RIPOR3: variants seen among roughly 807,000 people sequenced by gnomAD.
The protein encoded by RIPOR3 is RIPOR family member 3, also known as family with sequence similarity 65 member C.
In RIPOR3, 95 loss-of-function variants were observed where a neutral mutation model predicts 114.3. The observed-to-expected ratio is 0.83, with a 90% CI of 0.70 to 0.99. RIPOR3 has a LOEUF of 0.99. Among genes scored for constraint, RIPOR3 ranks in the 50% least tolerant of loss-of-function variants. The pLI, the probability that RIPOR3 is intolerant of heterozygous loss-of-function variation, is 0.00. For missense variants in RIPOR3, 1,252 were observed against 1,266.9 expected (o/e 0.99, Z 0.18); for synonymous variants, 575 against 543.8 (o/e 1.06, Z -0.80).
At chr20:50,594,900 G>T (rs2083236597) in intron 16 of RIPOR3, 186 bp from the exon 17 acceptor site, 4 of 600,188 alleles carry the variant, frequency 6.7e-6, no homozygotes. Context: ...ATCTTACCAG[G>T]GCCACCACCT....
At chr20:50,664,334 C>T (rs1311322619) in intron 1 of RIPOR3, among the ~76,000 whole-genome samples, 1 of 151,962 alleles carries the variant, frequency 6.6e-6, no homozygotes, top group Non-Finnish European at 1.5e-5. Flanking sequence ...GGACAAACAG[C>T]GTGGCTGCTA....
chr20:50,686,333 G>A (rs932145570), intron 1 of RIPOR3, among the ~76,000 whole-genome samples: 12 of 152,090 alleles, frequency 7.9e-5, no homozygotes, highest in African/African-American at 2.7e-4. Flanking sequence ...TGGGATTACA[G>A]GTGTGAGCCA....
At chr20:50,621,692 GAACA>G (rs1255123603) in intron 2 of RIPOR3, among the ~76,000 whole-genome samples, 1 of 152,160 alleles carries the variant, frequency 6.6e-6, no homozygotes, top group African/African-American at 2.4e-5. Flanking sequence ...ACACAGAGAG[GAACA>G]AACAGAGTCA....
chr20:50,630,571 A>ATCTCTCTC (rs140830420), intron 2 of RIPOR3, among the ~76,000 whole-genome samples, 167 bp downstream of exon 2: 37 of 133,136 alleles, frequency 2.8e-4, no homozygotes, highest in African/African-American at 4.1e-4. Context: ...CTCAATCTCA[A>ATCTCTCTC]TCTCTCTCTC....
rs192256700 is a variant in RIPOR3, at chr20:50,601,570, G to A, written c.1659+502C>T. Among the ~76,000 whole-genome samples the A allele has an allele frequency of 3.5e-3, 533 of 152,352 alleles. 1 individual carries two copies. Among genetic ancestry groups the A allele is most frequent in the Middle Eastern group, 6.8e-3 (2 of 294 alleles). Reference sequence around the variant, plus strand: ...ATTCAAATTTGTGTAAACACGAGAGGAGAATGTAATAATTTGCCTAGGTCA... The same window carrying A: ...ATTCAAATTTGTGTAAACACGAGAGAAGAATGTAATAATTTGCCTAGGTCA... On this transcript the variant is annotated intron_variant, in intron 13 of 21. Transcript: ENST00000327979.
intron 1 of RIPOR3, among the ~76,000 whole-genome samples, chr20:50,674,037 G>A (rs932898979): frequency 6.6e-6 from 1 of 152,140 alleles, no homozygotes; most frequent in Non-Finnish European, 1.5e-5. Context: ...GGACACGAGC[G>A]TTCCAAGGCA....
chr20:50,623,701 C>T (rs1600607372), intron 2 of RIPOR3, among the ~76,000 whole-genome samples: 1 of 44,664 alleles, frequency 2.2e-5, no homozygotes, highest in African/African-American at 8.9e-4. Context: ...ACAGCTGACA[C>T]CACAAGCCCA....
Position 50,597,664 on chromosome 20 carries a change from T to G in RIPOR3, c.1706A>C (p.Glu569Ala), listed in dbSNP as rs769540750. 6.2e-7 allele frequency: 1 copy of G among 1,612,266 alleles called. No individual in the cohort carries two copies. The highest frequency in any genetic ancestry group is 8.5e-7 in the Non-Finnish European group (1 of 1,179,236). ...QEHTSAESLMECILESFAFLN... is the reference protein window; with the variant it reads ...QEHTSAESLMACILESFAFLN... ...GAAGGCGAAGCTCTCCAGGATGCAC[T>G]CCATCAGGCTCTCGGCCGAGGTGTG... The change falls in exon 14 of 22, where the codon GAG becomes GCG. Residue 569 changes from glutamate (E) to alanine (A), a missense_variant. Glu to Ala is a moderately radical substitution (Grantham distance 107). Transcript: ENST00000327979.
intron 1 of RIPOR3, among the ~76,000 whole-genome samples, chr20:50,679,163 CACAGAG>C (rs1441948319): frequency 1.6e-4 from 16 of 100,616 alleles, no homozygotes; most frequent in Admixed American, 1.0e-3. Flanking sequence ...CACACACACA[CACAGAG>C]AGAGAGAGAT....
At chr20:50,677,918 T>C (rs1453155013) in intron 1 of RIPOR3, among the ~76,000 whole-genome samples, 4 of 138,656 alleles carry the variant, frequency 2.9e-5, no homozygotes, top group South Asian at 4.7e-4. Flanking sequence ...GATGCACCTG[T>C]CCCGACCTCC....
chr20:50,604,807 C>T (rs531650222), intron 11 of RIPOR3, 33 bp from the exon 12 acceptor site: 20 of 1,599,728 alleles, frequency 1.3e-5, no homozygotes, highest in Admixed American at 9.0e-5. Flanking sequence ...AGGATGCCAT[C>T]GGCACCCAGA....
intron 21 of RIPOR3, 71 bp from the exon 22 acceptor site, chr20:50,587,403 T>C (rs2082955790): frequency 7.5e-7 from 1 of 1,326,608 alleles, no homozygotes; most frequent in Non-Finnish European, 1.1e-6. Context: ...TGGGCCAGGG[T>C]GGCCCTAGTG....
intron 1 of RIPOR3, among the ~76,000 whole-genome samples, chr20:50,638,656 G>T (rs73615310): frequency 7.6e-4 from 116 of 152,204 alleles, no homozygotes; most frequent in East Asian, 3.7e-3. Context: ...GCCTGCCCAG[G>T]CTAGGGAAGA....
Position 50,592,342 on chromosome 20 carries a change from A to G in RIPOR3, c.2577+2T>C. 6.4e-7 allele frequency: 1 copy of G among 1,566,648 alleles called. No individual in the cohort carries two copies. Among genetic ancestry groups the G allele is most frequent in the Non-Finnish European group, 8.7e-7 (1 of 1,150,874 alleles). ...GTCTGCCACCTGCCCTGGACAACGT[A>G]CCTTTTCCCGGAAGCTTCTGTTCCT... On this transcript the variant is annotated splice_donor_variant, in intron 19 of 21. Coordinates refer to ENST00000327979, the MANE Select transcript of RIPOR3 (RefSeq NM_001290268.2). LOFTEE classifies it high-confidence loss of function.
At chr20:50,626,833 C>G (rs931708724) in intron 2 of RIPOR3, among the ~76,000 whole-genome samples, 10 of 152,022 alleles carry the variant, frequency 6.6e-5, no homozygotes, top group Non-Finnish European at 1.5e-4. Context: ...ACCAGCCTGG[C>G]CAACATGGTG....
intron 1 of RIPOR3, among the ~76,000 whole-genome samples, chr20:50,640,321 C>A (rs1387512432): frequency 6.6e-6 from 1 of 151,406 alleles, no homozygotes; most frequent in African/African-American, 2.4e-5. Context: ...CCTCAGACCT[C>A]TGGGGCCCGT....
chr20:50,604,075 G>A (rs559814116), intron 12 of RIPOR3, among the ~76,000 whole-genome samples: 6 of 152,122 alleles, frequency 3.9e-5, no homozygotes, highest in South Asian at 2.1e-4. Context: ...CCAGCTACTC[G>A]GGAGGCTGAG....
At chr20:50,655,499 T>C (rs945673823) in intron 1 of RIPOR3, among the ~76,000 whole-genome samples, 4 of 152,214 alleles carry the variant, frequency 2.6e-5, no homozygotes, top group Non-Finnish European at 5.9e-5. Context: ...GAATCTGGAA[T>C]GAATTGGGGG....
intron 4 of RIPOR3, among the ~76,000 whole-genome samples, chr20:50,612,000 T>G (rs2083995174): frequency 6.6e-6 from 1 of 151,970 alleles, no homozygotes; most frequent in Non-Finnish European, 1.5e-5. Context: ...GGTGCATGCC[T>G]GTAATCCCAG....
Sources: gnomAD v4.1 joint callset for allele counts (sites outside exome capture counted in the v4.1 genomes callset) on GRCh38, gnomAD v4.1.1 for gene constraint, MANE v1.5 for transcripts, NCBI Gene and HGNC (gene_info 2026-07-23, HGNC 2026-07-21) for gene names.